FBXL2: variants seen among roughly 807,000 people sequenced by gnomAD.
The protein encoded by FBXL2 is F-box/LRR-repeat protein 2.
In FBXL2, 38 loss-of-function variants were observed where a neutral mutation model predicts 69.2. The observed-to-expected ratio is 0.55, with a 90% CI of 0.42 to 0.72. The LOEUF is 0.72. Ranked by LOEUF, FBXL2 falls within the 30% of genes least tolerant of loss-of-function variation. The pLI, the probability that FBXL2 is intolerant of heterozygous loss-of-function variation, is 0.00. For synonymous variants in FBXL2, 192 were observed against 201.3 expected (o/e 0.95, Z 0.39); for missense variants, 354 against 520.3 (o/e 0.68, Z 3.11).
intron 12 of FBXL2, 47 bp from the exon 13 acceptor site, chr3:33,378,638 T>TA: frequency 6.3e-7 from 1 of 1,576,774 alleles, no homozygotes; most frequent in African/African-American, 1.4e-5. Context: ...GATTAGGTAT[T>TA]AAGTTCTGGT....
chr3:33,420,199 C>T, the FBXL2 span, among the ~76,000 whole-genome samples: 2 of 152,154 alleles, frequency 1.3e-5, no homozygotes, highest in Non-Finnish European at 2.9e-5. Context: ...TGAACTGAAA[C>T]TAACCAGGAG....
the FBXL2 span, among the ~76,000 whole-genome samples, chr3:33,409,993 C>T: frequency 6.6e-6 from 1 of 152,208 alleles, no homozygotes; most frequent in African/African-American, 2.4e-5. Flanking sequence ...TTGTTTAGAG[C>T]TTCTGTTGTT....
chr3:33,365,626 G>A (rs997219593), intron 5 of FBXL2, among the ~76,000 whole-genome samples: 1 of 152,100 alleles, frequency 6.6e-6, no homozygotes, highest in African/African-American at 2.4e-5. Flanking sequence ...AGTGGCTCAT[G>A]CCTGTAATCC....
chr3:33,412,813 A>C, the FBXL2 span: 1 of 1,613,276 alleles, frequency 6.2e-7, no homozygotes, highest in Non-Finnish European at 8.5e-7. Context: ...CATGGAATAC[A>C]ACCCTTATGA....
At chr3:33,297,034 CTT>C (rs2035812848) in intron 1 of FBXL2, among the ~76,000 whole-genome samples, 1 of 151,988 alleles carries the variant, frequency 6.6e-6, no homozygotes, top group East Asian at 1.9e-4. Flanking sequence ...ACATGGATGT[CTT>C]TTGATTTATT....
chr3:33,417,162 A>G, the FBXL2 span, among the ~76,000 whole-genome samples: 1 of 152,064 alleles, frequency 6.6e-6, no homozygotes, highest in Non-Finnish European at 1.5e-5. Flanking sequence ...TAAAATTCAC[A>G]TTTTTAAAAA....
At chr3:33,396,194 C>G in intron 12 of FBXL2, 1 of 1,594,142 alleles carries the variant, frequency 6.3e-7, no homozygotes, top group Admixed American at 1.7e-5. Context: ...CTCGCTTGCA[C>G]TGCTTGCAGC....
At chr3:33,396,364 G>T in intron 12 of FBXL2, 2 of 1,015,428 alleles carry the variant, frequency 2.0e-6, no homozygotes, top group Non-Finnish European at 2.9e-6. Flanking sequence ...AGGAATCTAA[G>T]TTCTATTTCC....
intron 1 of FBXL2, among the ~76,000 whole-genome samples, chr3:33,287,776 C>T (rs1559489726): frequency 6.6e-6 from 1 of 152,244 alleles, no homozygotes; most frequent in Non-Finnish European, 1.5e-5. Flanking sequence ...TTAACCATTA[C>T]ATTATGGCTT....
the FBXL2 span, among the ~76,000 whole-genome samples, chr3:33,418,860 CAAAAAAAAAAAA>C: frequency 1.0e-4 from 8 of 76,754 alleles, 1 homozygote; most frequent in Middle Eastern, 0.016. Flanking sequence ...ACTCTGTCTC[CAAAAAAAAAAAA>C]AAAAAAAAAA....
intron 2 of FBXL2, among the ~76,000 whole-genome samples, chr3:33,356,414 A>C (rs1575320531): frequency 2.0e-5 from 3 of 151,826 alleles, no homozygotes; most frequent in South Asian, 2.1e-4. Flanking sequence ...GCAGTGGCGG[A>C]TCTCGGCTCA....
chr3:33,378,935 A>G, intron 13 of FBXL2, 194 bp downstream of exon 13: 1 of 1,083,954 alleles, frequency 9.2e-7, no homozygotes, highest in South Asian at 1.8e-5. Context: ...TGCAATTTTA[A>G]GATTCCCAAA....
chr3:33,336,503 A>G (rs1372291660), intron 2 of FBXL2, among the ~76,000 whole-genome samples: 1 of 152,240 alleles, frequency 6.6e-6, no homozygotes. Context: ...ATACACAAGA[A>G]TATCTTTATA....
chr3:33,278,457 TGGA>T (rs1038460489), intron 1 of FBXL2: 4 of 152,278 alleles, frequency 2.6e-5, no homozygotes, highest in African/African-American at 9.7e-5. Context: ...AGTAATTAAG[TGGA>T]GATTTTCTCC....
Position 33,387,046 on chromosome 3 carries a change from A to G in FBXL2, c.*1438A>G. On this transcript the variant is annotated 3_prime_UTR_variant, in exon 15 of 15. Transcript: ENST00000484457. ...AGAGAAGCAGATTATATATATATAT[A>G]ATCTCCCCATAAACGGACTTAGCAC... 1 of 152,198 alleles carries G rather than the reference A, an allele frequency of 6.6e-6. No individual in the cohort carries two copies. Among genetic ancestry groups the G allele is most frequent in the Non-Finnish European group, 1.5e-5 (1 of 68,026 alleles). 9.4% of individuals were successfully genotyped at this position (152,198 alleles called of 1,614,324 possible). A position where few individuals can be genotyped will look rare whatever the true frequency, so the allele number is the denominator to read the frequency against.
At chr3:33,292,422 C>T (rs1275825251) in intron 1 of FBXL2, among the ~76,000 whole-genome samples, 1 of 151,934 alleles carries the variant, frequency 6.6e-6, no homozygotes, top group African/African-American at 2.4e-5. Context: ...CACAACAAAG[C>T]TTCAAAATAC....
At chr3:33,311,632 T>C (rs1029994376) in intron 2 of FBXL2, among the ~76,000 whole-genome samples, 1 of 148,814 alleles carries the variant, frequency 6.7e-6, no homozygotes, top group Non-Finnish European at 1.5e-5. Context: ...TGTTTGGCTC[T>C]TTTTTTTTTG....
At chr3:33,335,574 A>G (rs1295252343) in intron 2 of FBXL2, among the ~76,000 whole-genome samples, 8 of 152,208 alleles carry the variant, frequency 5.3e-5, no homozygotes, top group Admixed American at 5.2e-4. Context: ...GGAAAGGATT[A>G]GAGGAAAATA....
At chr3:33,323,716 C>T (rs780017470) in intron 2 of FBXL2, among the ~76,000 whole-genome samples, 5 of 152,086 alleles carry the variant, frequency 3.3e-5, no homozygotes, top group Non-Finnish European at 7.4e-5. Context: ...CACTGATGGG[C>T]GTTTGGGTTG....
Sources: gnomAD v4.1 joint callset for allele counts (sites outside exome capture counted in the v4.1 genomes callset) on GRCh38, gnomAD v4.1.1 for gene constraint, MANE v1.5 for transcripts, NCBI Gene and HGNC (gene_info 2026-07-23, HGNC 2026-07-21) for gene names.